NEBL: variants seen among roughly 807,000 people sequenced by gnomAD.
NEBL encodes the protein LIM and SH3 protein 2.
NEBL carries 122 observed loss-of-function variants against 140.2 expected under a neutral mutation model. That is an observed-to-expected ratio of 0.87 (90% CI 0.75 to 1.01). The LOEUF is 1.01. Among genes scored for constraint, NEBL ranks in the 50% least tolerant of loss-of-function variants. The pLI is 0.00. For synonymous variants in NEBL, 436 were observed against 398.9 expected (o/e 1.09, Z -1.11); for missense variants, 1,365 against 1,231.3 (o/e 1.11, Z -1.62).
chr10:20,786,425 T>C (rs1318530657), intron 27 of NEBL, among the ~76,000 whole-genome samples: 9 of 152,190 alleles, frequency 5.9e-5, no homozygotes. Context: ...ATGAGAGAAA[T>C]TTAGCATATA....
chr10:20,969,694 C>T (rs1836484364), intron 3 of NEBL, among the ~76,000 whole-genome samples: 1 of 151,734 alleles, frequency 6.6e-6, no homozygotes, highest in Non-Finnish European at 1.5e-5. Flanking sequence ...TACAGGCGTA[C>T]ACCACCACAC....
chr10:21,140,783 G>C (rs544968805), intron 2 of NEBL, among the ~76,000 whole-genome samples: 1 of 152,064 alleles, frequency 6.6e-6, no homozygotes, highest in Non-Finnish European at 1.5e-5. Context: ...ACACATGGGG[G>C]CCTGTCGGGG....
At chr10:21,147,133 A>C (rs1839929124) in intron 2 of NEBL, among the ~76,000 whole-genome samples, 1 of 152,154 alleles carries the variant, frequency 6.6e-6, no homozygotes, top group African/African-American at 2.4e-5. Context: ...CTGTGATAAA[A>C]AGTAGAAATG....
At chr10:21,102,150 C>A (rs567869176) in intron 2 of NEBL, among the ~76,000 whole-genome samples, 4 of 152,342 alleles carry the variant, frequency 2.6e-5, no homozygotes, top group African/African-American at 9.6e-5. Flanking sequence ...ACTTCTACCA[C>A]AACTGTTAAT....
chr10:21,140,035 C>T (rs1431663429), intron 2 of NEBL, among the ~76,000 whole-genome samples: 2 of 151,474 alleles, frequency 1.3e-5, no homozygotes, highest in African/African-American at 4.9e-5. Context: ...GTTTCAGGTG[C>T]CTGTAATCCC....
At chr10:21,145,931 T>C (rs1236387637) in intron 2 of NEBL, among the ~76,000 whole-genome samples, 1 of 152,164 alleles carries the variant, frequency 6.6e-6, no homozygotes, top group Non-Finnish European at 1.5e-5. Context: ...TCGGGCCCAT[T>C]GGGCATCTAA....
chr10:21,266,831 G>A (rs1842801676), intron 1 of NEBL, among the ~76,000 whole-genome samples: 1 of 152,156 alleles, frequency 6.6e-6, no homozygotes, highest in Admixed American at 6.5e-5. Flanking sequence ...AGGCTGGAGT[G>A]CAGTGGCATG....
intron 3 of NEBL, among the ~76,000 whole-genome samples, chr10:21,204,716 A>G (rs1397215082): frequency 6.6e-6 from 1 of 152,194 alleles, no homozygotes; most frequent in Non-Finnish European, 1.5e-5. Context: ...CATGACACCC[A>G]GCCTGCCCTG....
Position 21,248,102 on chromosome 10 carries a change from A to C in NEBL, n.280-113T>G, listed in dbSNP as rs1588560853. On this transcript the variant is annotated intron_variant and non_coding_transcript_variant, in intron 2 of 8. Transcript: ENST00000675702. The stretch of plus-strand genomic sequence containing the variant: ...GCAGCCTTTAACTGATCAGGGTCTC[A>C]TTCTGTTGCCCAGGCTGGAATGCAG... 1.8e-5 allele frequency: 4 copies of C among 222,880 alleles called. No homozygotes were observed. In the East Asian group the frequency reaches 4.4e-4, roughly 25 times the overall value. The allele number at this position is 222,880 out of a possible 1,614,324, so 13.8% of individuals were successfully genotyped here.
In NEBL at chr10:21,148,193, C is replaced by T. The variant is rs117108791; in HGVS notation, c.164+24190G>A. Among the ~76,000 whole-genome samples, 74 of 152,326 alleles carry T rather than the reference C, an allele frequency of 4.9e-4. 1 individual carries two copies. The East Asian group carries it at 0.013, about 26-fold the overall frequency. On this transcript the variant is annotated intron_variant, in intron 2 of 6. Coordinates refer to the NEBL transcript ENST00000417816. ...AGAAAGTTCCAGAAAGGGAATAACA[C>T]GTGCAAATGTCCCAGCTTCTTCTCA... is the stretch of plus-strand genomic sequence containing the variant.
intron 27 of NEBL, among the ~76,000 whole-genome samples, chr10:20,786,130 A>T (rs1190214135): frequency 6.6e-6 from 1 of 152,198 alleles, no homozygotes; most frequent in Non-Finnish European, 1.5e-5. Context: ...TGGAACAGGG[A>T]TAGAAAAGTC....
At chr10:21,243,198 C>A (rs1347274085) in intron 3 of NEBL, among the ~76,000 whole-genome samples, 1 of 151,932 alleles carries the variant, frequency 6.6e-6, no homozygotes, top group Non-Finnish European at 1.5e-5. Context: ...GGTAGACATC[C>A]ATTCAAGATA....
At chr10:20,880,475 A>G (rs1303410003) in intron 5 of NEBL, among the ~76,000 whole-genome samples, 2 of 152,172 alleles carry the variant, frequency 1.3e-5, no homozygotes, top group Admixed American at 1.3e-4. Flanking sequence ...GTGATTCTAG[A>G]CTTAGAAGCC....
At chr10:20,828,059 C>G (rs534205750) in intron 17 of NEBL, among the ~76,000 whole-genome samples, 1 of 151,420 alleles carries the variant, frequency 6.6e-6, no homozygotes, top group East Asian at 2.0e-4. Context: ...GCACAGGTAC[C>G]CCCAAACTTA....
chr10:20,995,108 C>A (rs551382134), intron 3 of NEBL, among the ~76,000 whole-genome samples: 116 of 152,340 alleles, frequency 7.6e-4, no homozygotes, highest in African/African-American at 2.4e-3. Flanking sequence ...GGACCCCCCT[C>A]ACCTTTGAAG....
chr10:21,055,083 A>T (rs900631455), intron 2 of NEBL, among the ~76,000 whole-genome samples: 8 of 152,222 alleles, frequency 5.3e-5, no homozygotes, highest in African/African-American at 1.9e-4. Context: ...ATAGTTCATT[A>T]TATCTGGGGG....
At chr10:21,252,619 C>A (rs140833239) in intron 1 of NEBL, among the ~76,000 whole-genome samples, 84 of 152,154 alleles carry the variant, frequency 5.5e-4, no homozygotes, top group African/African-American at 1.9e-3. Context: ...AGAAAAGGGG[C>A]CACATCGAAG....
At chr10:21,123,984 T>C (rs1838702499) in intron 2 of NEBL, among the ~76,000 whole-genome samples, 1 of 152,176 alleles carries the variant, frequency 6.6e-6, no homozygotes, top group African/African-American at 2.4e-5. Context: ...GTGTGTGTGT[T>C]CACTGGCACC....
chr10:21,136,413 C>G (rs987842635), intron 2 of NEBL, among the ~76,000 whole-genome samples: 1 of 152,188 alleles, frequency 6.6e-6, no homozygotes, highest in African/African-American at 2.4e-5. Flanking sequence ...GCTGCAGTTT[C>G]AAACTTCTGG....
Sources: allele counts gnomAD v4.1 joint callset (sites outside exome capture counted in the v4.1 genomes callset), GRCh38; gene constraint gnomAD v4.1.1; transcripts MANE v1.5; gene names NCBI Gene and HGNC (gene_info 2026-07-23, HGNC 2026-07-21).